Variants in GPR176 observed in about 807,000 individuals in gnomAD.
GPR176 encodes the protein G protein-coupled receptor 176, also known as G-protein coupled receptor 176.
GPR176 carries 26 observed loss-of-function variants against 35.4 expected under a neutral mutation model. That is an observed-to-expected ratio of 0.74 (90% CI 0.54 to 1.02). The LOEUF is 1.02. GPR176 is among the 50% of genes least tolerant of loss of function. The probability of loss-of-function intolerance (pLI) is 0.00; values close to 1 mark genes in which losing one functional copy is unlikely to be tolerated. For synonymous variants in GPR176, 278 were observed against 271.3 expected (o/e 1.02, Z -0.24); for missense variants, 597 against 665.3 (o/e 0.90, Z 1.13).
At chr15:39,908,829 T>G (rs2033497599) in intron 1 of GPR176, among the ~76,000 whole-genome samples, 1 of 152,188 alleles carries the variant, frequency 6.6e-6, no homozygotes, top group Non-Finnish European at 1.5e-5. Context: ...ATTTGATTGA[T>G]CAAGCTTGGA....
At chr15:39,861,728 C>T (rs1595489447) in intron 1 of GPR176, among the ~76,000 whole-genome samples, 1 of 152,244 alleles carries the variant, frequency 6.6e-6, no homozygotes, top group South Asian at 2.1e-4. Context: ...CATCAGTTCA[C>T]ATCAGAGAGA....
intron 2 of GPR176, among the ~76,000 whole-genome samples, chr15:39,804,299 T>G (rs1046935121): frequency 6.6e-6 from 1 of 152,230 alleles, no homozygotes; most frequent in Non-Finnish European, 1.5e-5. Flanking sequence ...TGAATAGCTA[T>G]GAAGGAAGTG....
At chr15:39,887,489 G>C (rs2032714428) in intron 1 of GPR176, among the ~76,000 whole-genome samples, 1 of 151,942 alleles carries the variant, frequency 6.6e-6, no homozygotes, top group Non-Finnish European at 1.5e-5. Context: ...GAAACAGCAG[G>C]GGCAAATGAA....
intron 1 of GPR176, among the ~76,000 whole-genome samples, chr15:39,892,915 C>T (rs2032929269): frequency 6.6e-6 from 1 of 152,194 alleles, no homozygotes; most frequent in African/African-American, 2.4e-5. Context: ...TGCGGCCAAG[C>T]TCTATGCTGT....
At chr15:39,870,710 T>C (rs1474724610) in intron 1 of GPR176, among the ~76,000 whole-genome samples, 5 of 152,100 alleles carry the variant, frequency 3.3e-5, no homozygotes, top group Non-Finnish European at 5.9e-5. Flanking sequence ...ACTCCCTTGA[T>C]TACACTGCAT....
At chr15:39,893,201 T>C (rs979585169) in intron 1 of GPR176, among the ~76,000 whole-genome samples, 2 of 152,162 alleles carry the variant, frequency 1.3e-5, no homozygotes, top group Non-Finnish European at 2.9e-5. Context: ...GGTCAGCAGA[T>C]AAACAAGTGA....
chr15:39,919,688 TC>T (rs1423050404), intron 1 of GPR176, among the ~76,000 whole-genome samples, 166 bp downstream of exon 1: 5 of 152,108 alleles, frequency 3.3e-5, no homozygotes, highest in African/African-American at 1.2e-4. Flanking sequence ...GAGTCCACCG[TC>T]CCTGCTTAAC....
intron 1 of GPR176, among the ~76,000 whole-genome samples, chr15:39,873,548 T>C (rs1359773332): frequency 1.3e-5 from 2 of 151,794 alleles, no homozygotes; most frequent in Non-Finnish European, 2.9e-5. Flanking sequence ...GTGAATTTCA[T>C]GGGTGACCTA....
At chr15:39,808,451 T>C (rs1365234592) in intron 1 of GPR176, among the ~76,000 whole-genome samples, 1 of 152,186 alleles carries the variant, frequency 6.6e-6, no homozygotes, top group African/African-American at 2.4e-5. Flanking sequence ...TGTTCATATG[T>C]CTGATTACTT....
Position 39,822,514 on chromosome 15 carries a change from T to C in GPR176, c.173-15256A>G, listed in dbSNP as rs184249381. On this transcript the variant is annotated intron_variant, in intron 1 of 2. Transcript: ENST00000561100. The stretch of plus-strand genomic sequence containing the variant: ...TGATCATCATGAAACTATAAATTAG[T>C]GAGACTTATTTCTAAGTCATAAAAG... Among the ~76,000 whole-genome samples, 652 of 152,336 alleles carry C rather than the reference T, an allele frequency of 4.3e-3. 5 individuals are homozygous for C. Among genetic ancestry groups the C allele is most frequent in the African/African-American group, 0.015 (617 of 41,580 alleles).
intron 1 of GPR176, among the ~76,000 whole-genome samples, chr15:39,879,817 C>T (rs2032404361): frequency 6.6e-6 from 1 of 152,186 alleles, no homozygotes; most frequent in Non-Finnish European, 1.5e-5. Context: ...ATCCAGACTC[C>T]TTTAACTCCT....
intron 1 of GPR176, among the ~76,000 whole-genome samples, chr15:39,897,890 T>A (rs1179086314): frequency 1.3e-5 from 2 of 152,182 alleles, no homozygotes; most frequent in East Asian, 3.9e-4. Flanking sequence ...CAGCTCTCCA[T>A]CTCTATTCCC....
chr15:39,873,250 C>T (rs2032115634), intron 1 of GPR176, among the ~76,000 whole-genome samples: 1 of 152,094 alleles, frequency 6.6e-6, no homozygotes, highest in Non-Finnish European at 1.5e-5. Context: ...CTCCCAAAGT[C>T]ATAAAGCTAG....
intron 1 of GPR176, among the ~76,000 whole-genome samples, chr15:39,856,807 G>A (rs2031250201): frequency 6.6e-6 from 1 of 152,228 alleles, no homozygotes; most frequent in Non-Finnish European, 1.5e-5. Context: ...CCATCTTGGA[G>A]ACTGGCTACC....
At chr15:39,862,144 AT>A (rs1056903514) in intron 1 of GPR176, 38 of 152,284 alleles carry the variant, frequency 2.5e-4, no homozygotes, top group African/African-American at 8.7e-4. Context: ...TTAAACTTAA[AT>A]TTTTACTGGT....
Position 39,820,557 on chromosome 15 carries a change from T to C in GPR176, c.173-13299A>G, listed in dbSNP as rs147465485. The stretch of plus-strand genomic sequence containing the variant: ...GACACTCTGGCCTAGACCCAGAATA[T>C]CTATGATTCTAGACCCAGAATAATA... On this transcript the variant is annotated intron_variant, in intron 1 of 2. Coordinates refer to ENST00000561100, the MANE Select transcript of GPR176 (RefSeq NM_007223.3). 4.4e-4 allele frequency among the ~76,000 whole-genome samples: 67 copies of C among 152,312 alleles called. 2 individuals are homozygous for C. Among genetic ancestry groups the C allele is most frequent in the East Asian group, 2.7e-3 (14 of 5,188 alleles).
At chr15:39,910,985 T>C (rs2033562652) in intron 1 of GPR176, among the ~76,000 whole-genome samples, 1 of 151,956 alleles carries the variant, frequency 6.6e-6, no homozygotes, top group African/African-American at 2.4e-5. Flanking sequence ...TTGCAGTTAG[T>C]CAAGGTTGTA....
chr15:39,914,709 G>T (rs1286678826), intron 1 of GPR176, among the ~76,000 whole-genome samples: 1 of 152,110 alleles, frequency 6.6e-6, no homozygotes, highest in African/African-American at 2.4e-5. Context: ...ATTATTATTG[G>T]CTGTAAGTAT....
At chr15:39,830,975 T>C (rs946044799) in intron 1 of GPR176, among the ~76,000 whole-genome samples, 1 of 152,194 alleles carries the variant, frequency 6.6e-6, no homozygotes, top group African/African-American at 2.4e-5. Context: ...TGTTTAGTTT[T>C]CAAGCACTTC....
Sources: gnomAD v4.1 joint callset for allele counts (sites outside exome capture counted in the v4.1 genomes callset) on GRCh38, gnomAD v4.1.1 for gene constraint, MANE v1.5 for transcripts, NCBI Gene and HGNC (gene_info 2026-07-23, HGNC 2026-07-21) for gene names.